GPR158: variants seen among roughly 807,000 people sequenced by gnomAD.
GPR158 encodes the protein metabotropic glycine receptor.
A neutral mutation model predicts 78.2 loss-of-function variants in GPR158; 30 were observed. That is an observed-to-expected ratio of 0.38 (90% confidence interval 0.29 to 0.52). GPR158 has a LOEUF of 0.52. Among genes scored for constraint, GPR158 ranks in the 20% least tolerant of loss-of-function variants. GPR158 has a pLI of 0.83. For synonymous variants in GPR158, 581 were observed against 591.1 expected (o/e 0.98, Z 0.25); for missense variants, 1,463 against 1,523.5 (o/e 0.96, Z 0.66).
intron 2 of GPR158, among the ~76,000 whole-genome samples, chr10:25,250,504 T>C (rs1353524592): frequency 6.8e-6 from 1 of 147,044 alleles, no homozygotes. Flanking sequence ...GAGATTCTGG[T>C]ATGTGGTGTC....
chr10:25,210,932 GA>G (rs1470256091), intron 1 of GPR158, among the ~76,000 whole-genome samples: 2 of 151,956 alleles, frequency 1.3e-5, no homozygotes, highest in Non-Finnish European at 2.9e-5. Context: ...AGGAGATTGA[GA>G]CCATCCTGGC....
At chr10:25,201,904 A>G (rs1852934158) in intron 1 of GPR158, among the ~76,000 whole-genome samples, 1 of 152,084 alleles carries the variant, frequency 6.6e-6, no homozygotes, top group South Asian at 2.1e-4. Context: ...TGTTGCATAT[A>G]TGTTCATCAA....
intron 2 of GPR158, among the ~76,000 whole-genome samples, chr10:25,328,770 T>C (rs1260611651): frequency 1.3e-5 from 2 of 151,648 alleles, no homozygotes; most frequent in African/African-American, 4.8e-5. Context: ...GTACTAAAAA[T>C]ACAAAAATTA....
At chr10:25,298,248 T>A (rs996421001) in intron 2 of GPR158, among the ~76,000 whole-genome samples, 2 of 152,222 alleles carry the variant, frequency 1.3e-5, no homozygotes, top group Admixed American at 6.5e-5. Flanking sequence ...CTTGTTTTCG[T>A]ATTTTATTAC....
At chr10:25,227,131 G>A (rs575063666) in intron 2 of GPR158, among the ~76,000 whole-genome samples, 1 of 152,188 alleles carries the variant, frequency 6.6e-6, no homozygotes, top group Non-Finnish European at 1.5e-5. Flanking sequence ...ATTTGGAATA[G>A]AGATTCTCGA....
intron 4 of GPR158, chr10:25,466,288 A>T (rs1157901383): frequency 1.2e-5 from 2 of 171,166 alleles, no homozygotes; most frequent in Non-Finnish European, 2.5e-5. Flanking sequence ...TCATTCCCTG[A>T]AGCCCGTGAG....
intron 4 of GPR158, among the ~76,000 whole-genome samples, chr10:25,449,020 G>A (rs1435264198): frequency 1.3e-5 from 2 of 152,062 alleles, no homozygotes; most frequent in African/African-American, 2.4e-5. Flanking sequence ...ATCAGACACT[G>A]TTTAGTCATT....
At chr10:25,467,637 TTAGA>T (rs1250995986) in intron 5 of GPR158, among the ~76,000 whole-genome samples, 1 of 152,092 alleles carries the variant, frequency 6.6e-6, no homozygotes, top group Non-Finnish European at 1.5e-5. Flanking sequence ...CCCAGACCCC[TTAGA>T]TAGGAATTTG....
rs1837494827 is a variant in GPR158 at position 25,601,298 on chromosome 10, TGAG to T, written c.*2025_*2027del. 1 of 152,658 alleles carries T rather than the reference TGAG, an allele frequency of 6.6e-6. No homozygotes were observed. The allele number at this position is 152,658 out of a possible 1,614,324, so 9.5% of individuals were successfully genotyped here. A position where few individuals can be genotyped will look rare whatever the true frequency, so the allele number is the denominator to read the frequency against. On this transcript the variant is annotated 3_prime_UTR_variant, in exon 11 of 11. Coordinates refer to ENST00000376351, the MANE Select transcript of GPR158 (RefSeq NM_020752.3). ...ATTACTCAGGTTGGTGGGGTCGGTT[TGAG>T]AAGATATAGAAATTCTATTTTTGTG...
At chr10:25,207,254 G>GCT (rs1853054646) in intron 1 of GPR158, among the ~76,000 whole-genome samples, 4 of 152,088 alleles carry the variant, frequency 2.6e-5, no homozygotes, top group African/African-American at 9.7e-5. Context: ...CAGGGCCCAT[G>GCT]GCAGATTGCT....
chr10:25,279,200 C>CTAG (rs1214077873), intron 2 of GPR158, among the ~76,000 whole-genome samples: 5 of 152,262 alleles, frequency 3.3e-5, no homozygotes, highest in African/African-American at 1.2e-4. Flanking sequence ...ACTACTACTA[C>CTAG]TAGTTTACAT....
At position 25,221,034 on chromosome 10, in the gene GPR158, A is replaced by C. The variant is rs763719617; in HGVS notation, c.903-18A>C. 7.2e-5 allele frequency: 89 copies of C among 1,236,660 alleles called. No individual in the cohort carries two copies. Among genetic ancestry groups the C allele is most frequent in the Non-Finnish European group, 1.0e-4 (86 of 851,538 alleles). The allele number at this position is 1,236,660 out of a possible 1,614,324, so 76.6% of individuals were successfully genotyped here. A position where few individuals can be genotyped will look rare whatever the true frequency, so the allele number is the denominator to read the frequency against. On this transcript the variant is annotated intron_variant, in intron 1 of 10. Transcript: ENST00000376351. ...ATGTCCAGATTAATTTGTTCTTTTT[A>C]TCCTTTTCTATTTCTAGGGGTGTCA...
At position 25,521,854 on chromosome 10, in the gene GPR158, C is replaced by T. The variant is rs192840614; in HGVS notation, c.1405-29122C>T. 9.7e-4 allele frequency among the ~76,000 whole-genome samples: 147 copies of T among 152,218 alleles called. 1 individual carries two copies. Among genetic ancestry groups the T allele is most frequent in the African/African-American group, 3.2e-3 (134 of 41,528 alleles). On this transcript the variant is annotated intron_variant, in intron 5 of 10. Transcript: ENST00000376351. ...CTACAGATATTAGTTTATATGAAAACTGCTGCCAAAAGGTATTGAAGGAGT... is the reference window on the plus strand; with the variant it reads ...CTACAGATATTAGTTTATATGAAAATTGCTGCCAAAAGGTATTGAAGGAGT...
intron 2 of GPR158, among the ~76,000 whole-genome samples, chr10:25,348,234 T>A (rs1223506901): frequency 6.6e-6 from 1 of 151,942 alleles, no homozygotes; most frequent in Non-Finnish European, 1.5e-5. Context: ...TTAAGCCAAC[T>A]CCTGAAAATT....
At position 25,505,826 on chromosome 10, in the gene GPR158, T is replaced by C. The variant is rs574713579; in HGVS notation, c.1404+39107T>C. On this transcript the variant is annotated intron_variant, in intron 5 of 10. Transcript: ENST00000376351. Reference sequence around the variant, plus strand: ...TTTTTTTCAACTGGGTAGTTCCTACTTGTCCTGTAAGGCTCAACTCAGGCT... The same window carrying C: ...TTTTTTTCAACTGGGTAGTTCCTACCTGTCCTGTAAGGCTCAACTCAGGCT... Among the ~76,000 whole-genome samples, 5 of 152,322 alleles carry C rather than the reference T, an allele frequency of 3.3e-5. No individual in the cohort carries two copies. The East Asian group carries it at 9.6e-4, about 29-fold the overall frequency.
intron 4 of GPR158, among the ~76,000 whole-genome samples, chr10:25,465,670 G>A (rs896575214): frequency 2.0e-5 from 3 of 152,192 alleles, no homozygotes; most frequent in African/African-American, 7.2e-5. Context: ...CTGTGTTTGT[G>A]AGTTTTAGGG....
chr10:25,292,116 G>A (rs1313013264), intron 2 of GPR158, among the ~76,000 whole-genome samples: 3 of 151,622 alleles, frequency 2.0e-5, no homozygotes, highest in Middle Eastern at 3.4e-3. Context: ...TAGGAAATGT[G>A]TAAGTAATAT....
intron 5 of GPR158, among the ~76,000 whole-genome samples, chr10:25,476,364 G>A (rs928870796): frequency 1.1e-4 from 17 of 147,882 alleles, no homozygotes; most frequent in African/African-American, 2.2e-4. Flanking sequence ...TGACTAAACC[G>A]TCAGTTTCAT....
At chr10:25,328,128 C>T (rs1034469067) in intron 2 of GPR158, among the ~76,000 whole-genome samples, 1 of 152,042 alleles carries the variant, frequency 6.6e-6, no homozygotes, top group Non-Finnish European at 1.5e-5. Context: ...TTGGAATGTA[C>T]CTGAATAAGA....
Sources: gnomAD v4.1 joint callset for allele counts (sites outside exome capture counted in the v4.1 genomes callset) on GRCh38, gnomAD v4.1.1 for gene constraint, MANE v1.5 for transcripts, NCBI Gene and HGNC (gene_info 2026-07-23, HGNC 2026-07-21) for gene names.